The following NACC1 variants were observed in gnomAD, a reference collection of about 807,000 sequenced individuals.
The protein encoded by NACC1 is nucleus accumbens associated 1.
A neutral mutation model predicts 41.7 loss-of-function variants in NACC1; 6 were observed. That is an observed-to-expected ratio of 0.14 (90% confidence interval 0.08 to 0.28). The LOEUF is 0.28. Among genes scored for constraint, NACC1 ranks in the 10% least tolerant of loss-of-function variants. NACC1 has a pLI of 1.00. For synonymous variants in NACC1, 338 were observed against 330.6 expected (o/e 1.02, Z -0.24); for missense variants, 434 against 763.7 (o/e 0.57, Z 5.09).
intron 1 of NACC1, among the ~76,000 whole-genome samples, chr19:13,125,077 C>G (rs75577014): frequency 6.6e-6 from 1 of 152,282 alleles, no homozygotes; most frequent in African/African-American, 2.4e-5. Flanking sequence ...GAGAGGATAA[C>G]TTGAGCCCAG....
chr19:13,137,344 A>C lies in NACC1; in HGVS notation c.1194A>C (p.Leu398=). The part of the protein sequence containing the change: ...HVSAGTRHKV[L]LRRLLASFFD... ...GCGCAGGCACGCGGCACAAGGTCCT[A>C]CTGCGGCGGCTCCTGGCCTCCTTCT... Residue 398 remains leucine, a synonymous_variant, in exon 4 of 6, where the codon CTA becomes CTC. Transcript: ENST00000292431. This position sits in a 1 kb window ranked among gnomAD's most constrained non-coding sequence, Gnocchi z 6.1. 6.2e-7 allele frequency: 1 copy of C among 1,612,182 alleles called. No individual in the cohort carries two copies. Among genetic ancestry groups the C allele is most frequent in the South Asian group, 1.1e-5 (1 of 90,992 alleles).
intron 1 of NACC1, among the ~76,000 whole-genome samples, chr19:13,124,408 A>G (rs2019537189): frequency 6.6e-6 from 1 of 151,404 alleles, no homozygotes; most frequent in Non-Finnish European, 1.5e-5. Flanking sequence ...AACAAAAAAG[A>G]AAAAAAAATA....
At chr19:13,116,879 G>A (rs2019390080), upstream of NACC1, 1 of 179,970 alleles carries the variant, frequency 5.6e-6, no homozygotes, top group South Asian at 9.9e-5. Context: ...CCCTGGGAGA[G>A]GACACGTCCC....
chr19:13,120,752 C>G (rs1326351305), intron 1 of NACC1, among the ~76,000 whole-genome samples: 1 of 152,216 alleles, frequency 6.6e-6, no homozygotes, highest in Non-Finnish European at 1.5e-5. Flanking sequence ...ACCATCCAGT[C>G]ACTTAGCTGA....
chr19:13,135,652 C>G lies in NACC1; in HGVS notation c.445C>G (p.Gln149Glu). The G allele has an allele frequency of 6.4e-7, 1 of 1,562,206 alleles. No homozygotes were observed. Among genetic ancestry groups the G allele is most frequent in the Non-Finnish European group, 8.6e-7 (1 of 1,157,676 alleles). ...PSSEPQSPVAQTSGWPACSTP... is the reference protein window; with the variant it reads ...PSSEPQSPVAETSGWPACSTP... ...GTCGGAGCCCCAGAGCCCCGTGGCG[C>G]AGACATCGGGCTGGCCAGCCTGTAG... The change falls in exon 2 of 6, where the codon CAG becomes GAG. Residue 149 changes from glutamine to glutamate, a missense_variant. By Grantham distance (29) the Gln-to-Glu change is conservative. Transcript: ENST00000292431.
rs547648521 is a variant in NACC1 at position 13,124,499 on chromosome 19, C to T, written c.-9+6045C>T. 1.5e-4 allele frequency among the ~76,000 whole-genome samples: 23 copies of T among 152,258 alleles called. No homozygotes were observed. The South Asian group carries it at 4.8e-3, about 32-fold the overall frequency. On this transcript the variant is annotated intron_variant, in intron 1 of 5. Coordinates refer to ENST00000292431, the MANE Select transcript of NACC1 (RefSeq NM_052876.4). ...TCAAGCGTCTTCCTGCCTCAGCCTCCCGAAGTTCTGGGATTACAGGTAGGA... is the reference window on the plus strand; with the variant it reads ...TCAAGCGTCTTCCTGCCTCAGCCTCTCGAAGTTCTGGGATTACAGGTAGGA...
At chr19:13,134,769 C>A (rs2145622522) in intron 1 of NACC1, among the ~76,000 whole-genome samples, 1 of 152,354 alleles carries the variant, frequency 6.6e-6, no homozygotes, top group East Asian at 1.9e-4. Context: ...GATGACCCTG[C>A]CTTTCTGGCA....
rs1322417857 is a variant in NACC1 at position 13,138,195 on chromosome 19, C to T, written c.1373C>T (p.Ala458Val). 6.2e-7 allele frequency: 1 copy of T among 1,614,062 alleles called. No homozygotes were observed. The highest frequency in any genetic ancestry group is 1.1e-5 in the South Asian group (1 of 91,090). ...AACTTCAAGGAGAGCGAGATGAATG[C>T]CATCGCGGCCGACATGTGCACCAAC... ...APNFKESEMN[A>V]IAADMCTNAR... Residue 458 changes from alanine to valine, a missense_variant, in exon 6 of 6, where the codon GCC becomes GTC. Coordinates refer to ENST00000292431, the MANE Select transcript of NACC1 (RefSeq NM_052876.4). The surrounding 1 kb of genome is among the most constrained non-coding windows in gnomAD (Gnocchi z 5.7).
At chr19:13,130,696 C>T (rs1251709929) in intron 1 of NACC1, among the ~76,000 whole-genome samples, 13 of 151,982 alleles carry the variant, frequency 8.6e-5, no homozygotes, top group East Asian at 1.9e-4. Context: ...CCACCACACC[C>T]GGCTAATTTT....
At chr19:13,122,240 G>A (rs1231926776) in intron 1 of NACC1, among the ~76,000 whole-genome samples, 2 of 152,168 alleles carry the variant, frequency 1.3e-5, no homozygotes, top group Admixed American at 1.3e-4. Flanking sequence ...CTTCTCTGAG[G>A]GCTTTGACTG....
At position 13,137,003 on chromosome 19, in the gene NACC1, G is replaced by A. The variant is rs992344002; in HGVS notation, c.1121-268G>A. 1.3e-5 allele frequency among the ~76,000 whole-genome samples: 2 copies of A among 152,206 alleles called. No homozygotes were observed. Among genetic ancestry groups the A allele is most frequent in the African/African-American group, 2.4e-5 (1 of 41,434 alleles). On this transcript the variant is annotated intron_variant, in intron 3 of 5. Transcript: ENST00000292431. This position sits in a 1 kb window ranked among gnomAD's most constrained non-coding sequence, Gnocchi z 6.1. ...CCCACCTCACACAGGCTTGCGGCAC[G>A]ACTGGCCACACAGCAGGCACCCCGA...
intron 1 of NACC1, among the ~76,000 whole-genome samples, chr19:13,133,437 G>A (rs898020771): frequency 4.1e-5 from 6 of 146,932 alleles, no homozygotes; most frequent in East Asian, 2.1e-4. Context: ...CATTCTCCCC[G>A]CCTCCCAGCC....
In NACC1 at chr19:13,139,688, G is replaced by A. The variant is rs2019759243; in HGVS notation, c.*1282G>A. On this transcript the variant is annotated 3_prime_UTR_variant, in exon 6 of 6. Transcript: ENST00000292431. ...GGCCCAGCTCCTGGGGGCTGGGCAG[G>A]GCAGGGCAGGGCCGGGTCCACTTCC... 3 of 152,500 alleles carry A rather than the reference G, an allele frequency of 2.0e-5. No homozygotes were observed. Among genetic ancestry groups the A allele is most frequent in the African/African-American group, 4.8e-5 (2 of 41,444 alleles). 9.4% of individuals were successfully genotyped at this position (152,500 alleles called of 1,614,324 possible).
intron 1 of NACC1, among the ~76,000 whole-genome samples, chr19:13,123,740 T>A (rs1181926296): frequency 1.3e-5 from 2 of 152,182 alleles, no homozygotes; most frequent in African/African-American, 2.4e-5. Context: ...GCCTTGCTTC[T>A]CTGAACACCA....
intron 1 of NACC1, among the ~76,000 whole-genome samples, chr19:13,134,336 AG>A (rs2019671674): frequency 6.6e-6 from 1 of 151,586 alleles, no homozygotes; most frequent in Admixed American, 6.6e-5. Context: ...CTGGGATTAC[AG>A]GCATGAGCCA....
Position 13,138,013 on chromosome 19 carries a change from TG to T in NACC1, c.1325-132del. On this transcript the variant is annotated intron_variant, in intron 5 of 5. Transcript: ENST00000292431. This position sits in a 1 kb window ranked among gnomAD's most constrained non-coding sequence, Gnocchi z 5.7. Reference sequence around the variant, plus strand: ...GGTGTAGGGTTGGGTGCACGTAGTGTGGTGTCCTGGCCGCGTGGCCTCACTC... The same window carrying T: ...GGTGTAGGGTTGGGTGCACGTAGTGTGTGTCCTGGCCGCGTGGCCTCACTC... 2 of 1,286,332 alleles carry T rather than the reference TG, an allele frequency of 1.6e-6. No individual in the cohort carries two copies. The highest frequency in any genetic ancestry group is 2.2e-6 in the Non-Finnish European group (2 of 922,754). The allele number at this position is 1,286,332 out of a possible 1,614,324, so 79.7% of individuals were successfully genotyped here.
At chr19:13,129,149 TGC>T (rs2019600064) in intron 1 of NACC1, among the ~76,000 whole-genome samples, 1 of 151,908 alleles carries the variant, frequency 6.6e-6, no homozygotes, top group Non-Finnish European at 1.5e-5. Context: ...CCAGGCAGGG[TGC>T]ACAGCTTGGG....
intron 1 of NACC1, among the ~76,000 whole-genome samples, chr19:13,125,986 C>T (rs895809727): frequency 1.3e-5 from 2 of 151,916 alleles, no homozygotes; most frequent in African/African-American, 4.8e-5. Flanking sequence ...ATCCGCCCAC[C>T]TCGGCCTCCC....
At chr19:13,123,966 C>A (rs2019530893) in intron 1 of NACC1, among the ~76,000 whole-genome samples, 1 of 152,128 alleles carries the variant, frequency 6.6e-6, no homozygotes, top group Admixed American at 6.5e-5. Context: ...GTTAAATGAG[C>A]CTGTCTGAGC....
Sources: allele counts gnomAD v4.1 joint callset (sites outside exome capture counted in the v4.1 genomes callset), GRCh38; gene constraint gnomAD v4.1.1; non-coding constraint Gnocchi (gnomAD v3.1); transcripts MANE v1.5; gene names NCBI Gene and HGNC (gene_info 2026-07-23, HGNC 2026-07-21).